The following PLA2G4E variants were observed in gnomAD, a reference collection of about 807,000 sequenced individuals.
PLA2G4E encodes the protein cytosolic phospholipase A2 epsilon.
PLA2G4E carries 84 observed loss-of-function variants against 109.1 expected under a neutral mutation model. The ratio of observed to expected loss-of-function variants is 0.77; its 90% confidence interval spans 0.65 to 0.92. PLA2G4E has a LOEUF of 0.92. PLA2G4E is among the 40% of genes least tolerant of loss of function. The pLI is 0.00. For synonymous variants in PLA2G4E, 469 were observed against 436.1 expected, an observed-to-expected ratio of 1.08 and a Z score of -0.94; for missense variants, 1,057 against 1,076.6, an observed-to-expected ratio of 0.98 and a Z score of 0.25.
chr15:41,987,209 G>T (rs1421667747), exon 17 of PLA2G4E: 27 of 1,614,030 alleles, frequency 1.7e-5, no homozygotes, highest in Non-Finnish European at 2.3e-5. Flanking sequence ...GGAGGTAGTT[G>T]GTGTGCAGCT....
chr15:42,036,924 G>A (rs1239831603), intron 1 of PLA2G4E, among the ~76,000 whole-genome samples: 1 of 152,198 alleles, frequency 6.6e-6, no homozygotes, highest in Non-Finnish European at 1.5e-5. Flanking sequence ...GCTTCTCCCC[G>A]CTGCCGGCGC....
At chr15:41,999,630 T>C (rs773750951) in intron 9 of PLA2G4E, 69 bp from the exon 10 acceptor site, 3 of 1,573,766 alleles carry the variant, frequency 1.9e-6, no homozygotes, top group Non-Finnish European at 2.6e-6. Context: ...AGATCCACAC[T>C]GTCCACCCAG....
chr15:41,988,240 C>G lies in PLA2G4E; in HGVS notation c.1724-84G>C, dbSNP rs2068182147. ...ATTTGATTCCCCACTCCCCCCACCC[C>G]CCCACCCCACGCAAGCCAGGCTGCT... On this transcript the variant is annotated intron_variant, in intron 15 of 19. Coordinates refer to ENST00000399518, the Ensembl canonical transcript of PLA2G4E. 1.2e-5 allele frequency: 10 copies of G among 856,960 alleles called. No homozygotes were observed. In the East Asian group the frequency reaches 3.6e-4, roughly 31 times the overall value. 53.1% of individuals were successfully genotyped at this position (856,960 alleles called of 1,614,324 possible).
intron 6 of PLA2G4E, 82 bp from the exon 7 acceptor site, chr15:42,001,302 C>G (rs1195588153): frequency 1.9e-5 from 24 of 1,288,236 alleles, no homozygotes; most frequent in Non-Finnish European, 2.4e-5. Flanking sequence ...AGATGAGGGA[C>G]CAGAGGATAC....
intron 14 of PLA2G4E, 73 bp from the exon 15 acceptor site, chr15:41,989,625 G>T (rs2068209521): frequency 1.3e-6 from 2 of 1,533,810 alleles, no homozygotes; most frequent in East Asian, 4.8e-5. Flanking sequence ...CCCCCCTCCT[G>T]CCTGCAGCCA....
At position 41,984,422 on chromosome 15, in the gene PLA2G4E, C is replaced by T; in HGVS notation, c.2386+14G>A. 4 of 1,605,004 alleles carry T rather than the reference C, an allele frequency of 2.5e-6. No individual in the cohort carries two copies. The highest frequency in any genetic ancestry group is 1.7e-4 in the Middle Eastern group (1 of 5,992). ...GGCAGCAGGTGCTGGGAACTGAGCA[C>T]AGAGGCAGCTCACCTGGTGCCTTGT... On this transcript the variant is annotated intron_variant, in intron 19 of 19. Coordinates refer to ENST00000399518, the Ensembl canonical transcript of PLA2G4E.
At chr15:41,987,071 GC>G in intron 17 of PLA2G4E, 100 bp downstream of exon 17, 1 of 1,253,384 alleles carries the variant, frequency 8.0e-7, no homozygotes, top group Non-Finnish European at 1.1e-6. Context: ...AGTGAACATA[GC>G]CAGAGAAGTT....
intron 1 of PLA2G4E, among the ~76,000 whole-genome samples, chr15:42,046,653 G>A (rs531443813): frequency 3.9e-5 from 6 of 152,156 alleles, no homozygotes; most frequent in African/African-American, 1.2e-4. Flanking sequence ...TGTAAGTTTC[G>A]TGAGAGCTGG....
intron 1 of PLA2G4E, among the ~76,000 whole-genome samples, chr15:42,049,717 C>A (rs1414053691): frequency 6.6e-6 from 1 of 152,174 alleles, no homozygotes; most frequent in Non-Finnish European, 1.5e-5. Flanking sequence ...GTAAGCCAGG[C>A]CTCGGCTGGC....
chr15:42,013,737 G>A (rs888892173), exon 2 of PLA2G4E: 1 of 1,550,630 alleles, frequency 6.4e-7, no homozygotes, highest in Non-Finnish European at 8.7e-7. Flanking sequence ...CTGTCAACAG[G>A]TGGCATGGAG....
At chr15:41,994,360 G>T (rs925000833) in intron 12 of PLA2G4E, among the ~76,000 whole-genome samples, 1 of 152,104 alleles carries the variant, frequency 6.6e-6, no homozygotes, top group African/African-American at 2.4e-5. Flanking sequence ...ACATCCATTT[G>T]CTCACACGGG....
At chr15:42,032,347 T>C (rs761946404) in intron 1 of PLA2G4E, among the ~76,000 whole-genome samples, 2 of 152,176 alleles carry the variant, frequency 1.3e-5, no homozygotes, top group African/African-American at 4.8e-5. Context: ...ATGGGCACCA[T>C]TCAGTTCAAA....
intron 2 of PLA2G4E, among the ~76,000 whole-genome samples, chr15:42,012,897 C>A (rs931872954): frequency 1.1e-4 from 16 of 152,296 alleles, no homozygotes; most frequent in African/African-American, 3.6e-4. Flanking sequence ...GGATATACAG[C>A]TTTTTCCCCC....
intron 2 of PLA2G4E, among the ~76,000 whole-genome samples, chr15:42,008,392 C>G (rs1390187130): frequency 1.3e-5 from 2 of 152,244 alleles, no homozygotes. Flanking sequence ...TCAGCAAGAT[C>G]TAGGAGCAGG....
rs199807128 is a variant in PLA2G4E, at chr15:41,997,126, C to T, written c.1108G>A (p.Glu370Lys). The T allele has an allele frequency of 1.3e-4, 207 of 1,565,566 alleles. No homozygotes were observed. The African/African-American group carries it at 2.0e-3, about 15-fold the overall frequency. Reference sequence around the variant, plus strand: ...TGGCCACATCCCTGATTACCCACCTCGTCCTCCTGCAGGTCTTCCTCCAGC... The same window carrying T: ...TGGCCACATCCCTGATTACCCACCTTGTCCTCCTGCAGGTCTTCCTCCAGC... The change falls in exon 11 of 20, where the codon GAG (glutamate) becomes AAG (lysine). Residue 370 changes from glutamate to lysine, a missense_variant and splice_region_variant. Glu to Lys is a moderately conservative substitution (Grantham distance 56). Transcript: ENST00000399518.
chr15:42,031,285 T>A (rs911654746), intron 1 of PLA2G4E, among the ~76,000 whole-genome samples: 14 of 152,200 alleles, frequency 9.2e-5, no homozygotes, highest in Non-Finnish European at 1.9e-4. Context: ...TTCCTTCCCT[T>A]CATGCTTAGC....
chr15:42,011,849 G>A (rs948364173), intron 2 of PLA2G4E, among the ~76,000 whole-genome samples: 8 of 152,236 alleles, frequency 5.3e-5, no homozygotes, highest in African/African-American at 1.9e-4. Flanking sequence ...CTGCCCAAGA[G>A]TGGGAAAGTG....
intron 1 of PLA2G4E, among the ~76,000 whole-genome samples, chr15:42,024,369 G>C (rs2068675153): frequency 6.6e-6 from 1 of 152,184 alleles, no homozygotes; most frequent in Non-Finnish European, 1.5e-5. Flanking sequence ...CAGCACTGAT[G>C]ACCAGGGAGC....
chr15:42,015,418 C>T lies in PLA2G4E; in HGVS notation c.184-1661G>A, dbSNP rs577145182. ...CTGTGGGAGCCGCTCCCGTTTCACC[C>T]CTCTCCTGGCCAGCGTCTCTTCCAT... On this transcript the variant is annotated intron_variant, in intron 1 of 19. Coordinates refer to ENST00000399518, the Ensembl canonical transcript of PLA2G4E. Among the ~76,000 whole-genome samples the T allele has an allele frequency of 2.6e-5, 4 of 152,312 alleles. No individual in the cohort carries two copies. In the South Asian group the frequency reaches 8.3e-4, roughly 32 times the overall value.
Sources: gnomAD v4.1 joint callset for allele counts (sites outside exome capture counted in the v4.1 genomes callset) on GRCh38, gnomAD v4.1.1 for gene constraint, MANE v1.5 for transcripts, NCBI Gene and HGNC (gene_info 2026-07-23, HGNC 2026-07-21) for gene names.